The following ATXN2 variants were observed in gnomAD, a reference collection of about 807,000 sequenced individuals.
ATXN2 encodes the protein ataxin 2.
A neutral mutation model predicts 138.6 loss-of-function variants in ATXN2; 37 were observed. The observed-to-expected ratio is 0.27, with a 90% confidence interval of 0.21 to 0.35. ATXN2 has a LOEUF of 0.35. Among genes scored for constraint, ATXN2 ranks in the 10% least tolerant of loss-of-function variants. The probability of loss-of-function intolerance (pLI) is 1.00; values close to 1 mark genes in which losing one functional copy is unlikely to be tolerated. For missense variants in ATXN2, 1,216 were observed against 1,480.3 expected (o/e 0.82, Z 2.93); for synonymous variants, 549 against 543.7 (o/e 1.01, Z -0.13).
intron 14 of ATXN2, among the ~76,000 whole-genome samples, chr12:111,499,311 C>A (rs1196651620): frequency 6.6e-6 from 1 of 152,122 alleles, no homozygotes; most frequent in Non-Finnish European, 1.5e-5. Flanking sequence ...GACAAGGGAT[C>A]AATAACCAGA....
chr12:111,581,447 A>G, intron 1 of ATXN2: 3 of 825,564 alleles, frequency 3.6e-6, no homozygotes, highest in Non-Finnish European at 6.3e-6. Context: ...TGAGATGCTC[A>G]AGGAGGAGCA....
intron 1 of ATXN2, chr12:111,581,807 C>G: frequency 4.1e-6 from 2 of 482,826 alleles, no homozygotes; most frequent in Non-Finnish European, 7.8e-6. Flanking sequence ...AGGCCAGGAG[C>G]TCTGCCCGTG....
At chr12:111,507,193 G>A (rs7953301) in intron 14 of ATXN2, among the ~76,000 whole-genome samples, 2,465 of 150,530 alleles carry the variant, frequency 0.016, 66 homozygotes, top group African/African-American at 0.055. Flanking sequence ...ACCTCTTCCC[G>A]GCCGCCATCC....
intron 1 of ATXN2, among the ~76,000 whole-genome samples, chr12:111,589,781 T>C (rs1376220830): frequency 1.3e-5 from 2 of 152,128 alleles, no homozygotes; most frequent in African/African-American, 4.8e-5. Flanking sequence ...TTGCTGGGCA[T>C]AGTGGCGCAT....
chr12:111,559,142 T>G (rs1462123209), intron 1 of ATXN2, among the ~76,000 whole-genome samples: 1 of 151,432 alleles, frequency 6.6e-6, no homozygotes, highest in Non-Finnish European at 1.5e-5. Context: ...TTTTGTTTTT[T>G]TTTTTTTCTG....
At chr12:111,589,136 G>C (rs1345453527) in intron 1 of ATXN2, among the ~76,000 whole-genome samples, 31 of 137,172 alleles carry the variant, frequency 2.3e-4, no homozygotes, top group Non-Finnish European at 4.3e-4. Flanking sequence ...CCAACATGAT[G>C]AAACCCCATC....
intron 23 of ATXN2, 166 bp downstream of exon 23, chr12:111,455,863 C>T: frequency 2.7e-6 from 2 of 729,126 alleles, no homozygotes; most frequent in Non-Finnish European, 4.9e-6. Context: ...GACAAAACCA[C>T]ACAAACATTC....
intron 10 of ATXN2, 106 bp from the exon 11 acceptor site, chr12:111,513,645 T>C: frequency 1.1e-6 from 1 of 883,338 alleles, no homozygotes; most frequent in African/African-American, 1.8e-5. Flanking sequence ...ACTCACTCAC[T>C]CTACAGTTTT....
At chr12:111,531,833 C>T (rs1880855061) in intron 5 of ATXN2, among the ~76,000 whole-genome samples, 1 of 152,096 alleles carries the variant, frequency 6.6e-6, no homozygotes, top group Admixed American at 6.5e-5. Flanking sequence ...CCATGGGCCC[C>T]TTCAATATTT....
At chr12:111,579,876 T>C (rs1883896009) in intron 1 of ATXN2, among the ~76,000 whole-genome samples, 1 of 151,928 alleles carries the variant, frequency 6.6e-6, no homozygotes. Flanking sequence ...ATTTTTGTAC[T>C]TTTAGTAGAC....
chr12:111,540,888 G>A (rs900277271), intron 5 of ATXN2, among the ~76,000 whole-genome samples: 3 of 149,568 alleles, frequency 2.0e-5, no homozygotes, highest in African/African-American at 7.3e-5. Flanking sequence ...GTAGAGATGG[G>A]GTTTCACCAG....
chr12:111,485,509 T>A (rs2135698606), intron 17 of ATXN2, among the ~76,000 whole-genome samples, 178 bp from the exon 18 acceptor site: 1 of 152,322 alleles, frequency 6.6e-6, no homozygotes, highest in African/African-American at 2.4e-5. Flanking sequence ...CAAACTACAG[T>A]AAATCTAAAC....
At chr12:111,532,731 C>T (rs1031938531) in intron 5 of ATXN2, among the ~76,000 whole-genome samples, 3 of 151,918 alleles carry the variant, frequency 2.0e-5, no homozygotes, top group Non-Finnish European at 4.4e-5. Flanking sequence ...ATCCACAGAT[C>T]CAGGTGAAGA....
intron 5 of ATXN2, among the ~76,000 whole-genome samples, chr12:111,541,512 C>A (rs926962178): frequency 6.8e-6 from 1 of 147,938 alleles, no homozygotes; most frequent in South Asian, 2.1e-4. Flanking sequence ...CCACCATGAC[C>A]GGCTAATTTT....
chr12:111,493,597 T>A (rs1878194885), intron 14 of ATXN2, among the ~76,000 whole-genome samples: 1 of 151,440 alleles, frequency 6.6e-6, no homozygotes, highest in African/African-American at 2.4e-5. Flanking sequence ...GCAGGAAGAA[T>A]AAAAAATGAA....
intron 14 of ATXN2, among the ~76,000 whole-genome samples, chr12:111,506,176 C>T (rs183465345): frequency 3.6e-4 from 55 of 152,182 alleles, no homozygotes; most frequent in Admixed American, 1.3e-3. Flanking sequence ...AGTAGATTAA[C>T]GGTTGCTTAG....
At chr12:111,535,742 T>C (rs1397702869) in intron 5 of ATXN2, among the ~76,000 whole-genome samples, 1 of 152,062 alleles carries the variant, frequency 6.6e-6, no homozygotes, top group African/African-American at 2.4e-5. Flanking sequence ...GGCTCACGCC[T>C]GTAATCCCAG....
intron 1 of ATXN2, among the ~76,000 whole-genome samples, chr12:111,586,147 T>C (rs1267673564): frequency 6.6e-6 from 1 of 151,888 alleles, no homozygotes; most frequent in Non-Finnish European, 1.5e-5. Context: ...TCAGGTAATC[T>C]GCCTGCTTCA....
chr12:111,467,636 A>C (rs2135670316), intron 20 of ATXN2, among the ~76,000 whole-genome samples: 1 of 152,278 alleles, frequency 6.6e-6, no homozygotes, highest in South Asian at 2.1e-4. Flanking sequence ...CTGGCATGAA[A>C]GAACCGGCTC....
Sources: gnomAD v4.1 joint callset for allele counts (sites outside exome capture counted in the v4.1 genomes callset) on GRCh38, gnomAD v4.1.1 for gene constraint, MANE v1.5 for transcripts, NCBI Gene and HGNC (gene_info 2026-07-23, HGNC 2026-07-21) for gene names.